SPAG17: variants seen among roughly 807,000 people sequenced by gnomAD.
SPAG17 encodes the protein sperm associated antigen 17, also known as sperm-associated antigen 17.
In SPAG17, 169 loss-of-function variants were observed where a neutral mutation model predicts 273.6. The ratio of observed to expected loss-of-function variants is 0.62; its 90% CI spans 0.55 to 0.70. The LOEUF (loss-of-function observed/expected upper bound fraction) is 0.70, where lower values mean the gene tolerates loss of function less well. SPAG17 is among the 30% of genes least tolerant of loss of function. The pLI is 0.00. For missense variants in SPAG17, 2,557 were observed against 2,627.8 expected, an observed-to-expected ratio of 0.97 and a Z score of 0.59; for synonymous variants, 825 against 873.2, an observed-to-expected ratio of 0.94 and a Z score of 0.97.
intron 4 of SPAG17, among the ~76,000 whole-genome samples, chr1:118,109,623 A>G (rs1344499429): frequency 1.3e-5 from 2 of 151,432 alleles, no homozygotes; most frequent in East Asian, 3.9e-4. Flanking sequence ...AATGTTTCAT[A>G]TAAAATTTAT....
intron 1 of SPAG17, among the ~76,000 whole-genome samples, chr1:118,169,473 G>A (rs1660318906): frequency 6.6e-5 from 10 of 152,130 alleles, no homozygotes; most frequent in Admixed American, 6.5e-4. Flanking sequence ...CTCATATTAT[G>A]AGTATTTCCA....
At chr1:118,166,014 A>C (rs984722801) in intron 1 of SPAG17, among the ~76,000 whole-genome samples, 1 of 152,212 alleles carries the variant, frequency 6.6e-6, no homozygotes, top group Non-Finnish European at 1.5e-5. Context: ...TAATATTACT[A>C]ACCTTAAACT....
At chr1:117,958,797 C>G (rs879074963) in intron 48 of SPAG17, 5 of 372,480 alleles carry the variant, frequency 1.3e-5, no homozygotes, top group Non-Finnish European at 1.4e-5. Flanking sequence ...CGAAACATTT[C>G]TATAATGTAT....
Position 117,955,519 on chromosome 1 carries a change from G to C in SPAG17, c.*1-1470C>G, listed in dbSNP as rs144134748. Among the ~76,000 whole-genome samples the C allele has an allele frequency of 1.8e-4, 27 of 152,190 alleles. 2 individuals are homozygous for C. The East Asian group carries it at 5.2e-3, about 29-fold the overall frequency. On this transcript the variant is annotated intron_variant, in intron 48 of 48. Coordinates refer to ENST00000336338, the MANE Select transcript of SPAG17 (RefSeq NM_206996.4). The stretch of plus-strand genomic sequence containing the variant: ...AATAATTTATAATGTTCTTTTTGAA[G>C]TGCTAGAACTAGGAAGTTCCTTCTA...
chr1:118,073,821 A>T (rs1653839020), intron 17 of SPAG17, 33 bp downstream of exon 17: 3 of 1,460,408 alleles, frequency 2.1e-6, no homozygotes, highest in Middle Eastern at 1.7e-4. Context: ...GACCTATCTG[A>T]CCGTCTCCTA....
Position 117,972,008 on chromosome 1 carries a change from C to T in SPAG17, c.6181G>A (p.Val2061Ile). The T allele has an allele frequency of 6.2e-7, 1 of 1,613,824 alleles. No individual in the cohort carries two copies. Among genetic ancestry groups the T allele is most frequent in the South Asian group, 1.1e-5 (1 of 91,024 alleles). Residue 2061 changes from valine (V) to isoleucine (I), a missense_variant, in exon 45 of 49, where the codon GTT becomes ATT. Physicochemically the swap from Val to Ile is conservative, Grantham distance 29. Transcript: ENST00000336338. ...GCATTATTAATGGCAGCAGATGCAA[C>T]AGAGGATGTGTTCACTTTTCCTCCA... ...SVGGKVNTSS[V>I]ASAAINNAKS...
At chr1:118,147,712 A>G (rs1400895772) in intron 3 of SPAG17, among the ~76,000 whole-genome samples, 1 of 152,248 alleles carries the variant, frequency 6.6e-6, no homozygotes, top group Non-Finnish European at 1.5e-5. Context: ...ACACAATCTC[A>G]TAATGAGGCT....
intron 15 of SPAG17, among the ~76,000 whole-genome samples, chr1:118,076,022 CTTATTA>C (rs762958561): frequency 2.0e-5 from 3 of 151,838 alleles, no homozygotes; most frequent in Non-Finnish European, 4.4e-5. Flanking sequence ...GAAACTTCAT[CTTATTA>C]TTATTATTAT....
intron 1 of SPAG17, among the ~76,000 whole-genome samples, chr1:118,160,861 AG>A (rs1352041180): frequency 6.6e-6 from 1 of 152,210 alleles, no homozygotes; most frequent in African/African-American, 2.4e-5. Context: ...AAGAGGATCC[AG>A]GGAGCAGTGC....
intron 10 of SPAG17, among the ~76,000 whole-genome samples, chr1:118,089,332 C>CGTGTGTGTGTGTGTGTGTGT (rs72374195): frequency 0.13 from 17,204 of 135,736 alleles, 1,215 homozygotes; most frequent in African/African-American, 0.16. Context: ...ATGTAGATGA[C>CGTGTGTGTGTGTGTGTGTGT]GTGTGTGTGT....
intron 43 of SPAG17, among the ~76,000 whole-genome samples, chr1:117,974,841 T>G (rs1654965488): frequency 6.6e-6 from 1 of 152,174 alleles, no homozygotes; most frequent in South Asian, 2.1e-4. Context: ...AATATTTGAG[T>G]GTCCACGATC....
At chr1:118,184,321 T>C (rs907294926) in intron 1 of SPAG17, among the ~76,000 whole-genome samples, 3 of 152,144 alleles carry the variant, frequency 2.0e-5, no homozygotes. Flanking sequence ...AACAGCTTAA[T>C]GTAGAAGGGG....
In SPAG17 at chr1:117,954,060, G is replaced by A. The variant is rs760694533; in HGVS notation, c.*1-11C>T. 1 of 1,612,514 alleles carries A rather than the reference G, an allele frequency of 6.2e-7. No individual in the cohort carries two copies. Among genetic ancestry groups the A allele is most frequent in the Non-Finnish European group, 8.5e-7 (1 of 1,178,912 alleles). ...TGTACCGAGAAGAAACTGCAAAAAT[G>A]AAGGAACACAAAGCCATTTGTAAAG... On this transcript the variant is annotated splice_polypyrimidine_tract_variant and intron_variant, in intron 48 of 48. Transcript: ENST00000336338.
At chr1:118,097,626 G>A (rs771570731) in intron 7 of SPAG17, 44 bp downstream of exon 7, 3 of 1,441,242 alleles carry the variant, frequency 2.1e-6, no homozygotes, top group African/African-American at 2.9e-5. Context: ...GAACCACTGT[G>A]TCACATGTTA....
In SPAG17 at chr1:117,992,399, A is replaced by G. The variant is rs931749580; in HGVS notation, c.5361+67T>C. ...AGAATTACATAATTTCAGGTTTCTTAGGAAACCAAAAGCAATGATTGCTCT... is the reference window on the plus strand; with the variant it reads ...AGAATTACATAATTTCAGGTTTCTTGGGAAACCAAAAGCAATGATTGCTCT... On this transcript the variant is annotated intron_variant, in intron 36 of 48. Transcript: ENST00000336338. 7 of 1,449,546 alleles carry G rather than the reference A, an allele frequency of 4.8e-6. No homozygotes were observed. In the African/African-American group the frequency reaches 8.7e-5, roughly 18 times the overall value. The allele number at this position is 1,449,546 out of a possible 1,614,324, so 89.8% of individuals were successfully genotyped here.
intron 3 of SPAG17, among the ~76,000 whole-genome samples, chr1:118,141,767 G>A (rs1658695253): frequency 6.6e-6 from 1 of 152,134 alleles, no homozygotes; most frequent in South Asian, 2.1e-4. Flanking sequence ...ACATAAACAT[G>A]AAATTTTATT....
intron 32 of SPAG17, among the ~76,000 whole-genome samples, chr1:118,005,032 C>T (rs1193750509): frequency 6.6e-6 from 1 of 152,216 alleles, no homozygotes; most frequent in East Asian, 1.9e-4. Flanking sequence ...TACCATCTTA[C>T]TCTGTGACTA....
intron 23 of SPAG17, among the ~76,000 whole-genome samples, chr1:118,038,365 A>G (rs957316999): frequency 5.9e-5 from 9 of 152,142 alleles, no homozygotes; most frequent in Non-Finnish European, 1.5e-5. Context: ...GATTTGGTGG[A>G]TTCTTCCAAC....
At chr1:118,033,439 A>C (rs545885871) in intron 24 of SPAG17, among the ~76,000 whole-genome samples, 5 of 152,158 alleles carry the variant, frequency 3.3e-5, no homozygotes, top group Non-Finnish European at 5.9e-5. Context: ...AAGGCCTAAG[A>C]TCTTCCTCCC....
Sources: gnomAD v4.1 joint callset for allele counts (sites outside exome capture counted in the v4.1 genomes callset) on GRCh38, gnomAD v4.1.1 for gene constraint, MANE v1.5 for transcripts, NCBI Gene and HGNC (gene_info 2026-07-23, HGNC 2026-07-21) for gene names.